The following NSL1 variants were observed in gnomAD, a reference collection of about 807,000 sequenced individuals.
NSL1 encodes the protein kinetochore-associated protein NSL1 homolog.
In NSL1, 11 loss-of-function variants were observed where a neutral mutation model predicts 25.4. That is an observed-to-expected ratio of 0.43 (90% confidence interval 0.27 to 0.72). The LOEUF (loss-of-function observed/expected upper bound fraction) is 0.72, where lower values mean the gene tolerates loss of function less well. Among genes scored for constraint, NSL1 ranks in the 30% least tolerant of loss-of-function variants. NSL1 has a pLI of 0.19. For synonymous variants in NSL1, 118 were observed against 120.6 expected (o/e 0.98, Z 0.14); for missense variants, 330 against 342.7 (o/e 0.96, Z 0.29).
intron 4 of NSL1, among the ~76,000 whole-genome samples, chr1:212,765,332 C>T (rs180863784): frequency 6.6e-6 from 1 of 152,102 alleles, no homozygotes; most frequent in East Asian, 1.9e-4. Flanking sequence ...TGCAAAAATC[C>T]TCAATAAAAT....
At chr1:212,789,259 T>G (rs1661074329) in intron 1 of NSL1, among the ~76,000 whole-genome samples, 1 of 152,250 alleles carries the variant, frequency 6.6e-6, no homozygotes, top group South Asian at 2.1e-4. Flanking sequence ...TCAACCAGGC[T>G]GGAGTGCAAT....
intron 4 of NSL1, among the ~76,000 whole-genome samples, chr1:212,774,145 G>A (rs1243881391): frequency 1.3e-5 from 2 of 152,078 alleles, no homozygotes; most frequent in African/African-American, 4.8e-5. Context: ...AAGACATACA[G>A]TTAGATAGAA....
intron 4 of NSL1, among the ~76,000 whole-genome samples, chr1:212,771,241 G>A (rs1192751341): frequency 3.3e-5 from 5 of 152,168 alleles, no homozygotes; most frequent in Admixed American, 2.6e-4. Flanking sequence ...TTGAATCTGG[G>A]AGGCAGAGGT....
At chr1:212,762,288 A>T (rs1427153965) in intron 4 of NSL1, among the ~76,000 whole-genome samples, 1 of 135,372 alleles carries the variant, frequency 7.4e-6, no homozygotes, top group Non-Finnish European at 1.5e-5. Flanking sequence ...ACAGAGTCTC[A>T]CTCTGTCTTA....
intron 4 of NSL1, among the ~76,000 whole-genome samples, chr1:212,774,052 C>T (rs577392319): frequency 2.0e-4 from 30 of 151,444 alleles, no homozygotes; most frequent in African/African-American, 6.8e-4. Context: ...AGGGTATGTG[C>T]GGAGCGGGGA....
chr1:212,744,649 AC>A (rs1235759699), intron 4 of NSL1, among the ~76,000 whole-genome samples: 1 of 152,334 alleles, frequency 6.6e-6, no homozygotes, highest in Non-Finnish European at 1.5e-5. Context: ...AACAGAGAAT[AC>A]CAATGGCAGA....
rs1333019050 is a variant in NSL1, at chr1:212,733,096, G to A, written c.*5312C>T. Among the ~76,000 whole-genome samples the A allele has an allele frequency of 6.6e-6, 1 of 152,066 alleles. No homozygotes were observed. Among genetic ancestry groups the A allele is most frequent in the Non-Finnish European group, 1.5e-5 (1 of 68,016 alleles). ...CAATGGTTTTCAGTATATTCAACAA[G>A]CAGTCGTGAATCACCATAATCAAAT... is the stretch of plus-strand genomic sequence containing the variant. On this transcript the variant is annotated 3_prime_UTR_variant, in exon 6 of 6. Coordinates refer to ENST00000366977, the MANE Select transcript of NSL1 (RefSeq NM_015471.4).
At chr1:212,762,372 T>C (rs1245288894) in intron 4 of NSL1, among the ~76,000 whole-genome samples, 1 of 151,462 alleles carries the variant, frequency 6.6e-6, no homozygotes, top group Admixed American at 6.6e-5. Context: ...CAAACTGTCC[T>C]AGGCTGCATA....
Position 212,731,485 on chromosome 1 carries a change from G to T in NSL1, c.*6923C>A, listed in dbSNP as rs1157963474. 4.1e-6 allele frequency: 4 copies of T among 985,114 alleles called. No homozygotes were observed. In the African/African-American group the frequency reaches 7.0e-5, roughly 17 times the overall value. 61.0% of individuals were successfully genotyped at this position (985,114 alleles called of 1,614,324 possible). On this transcript the variant is annotated 3_prime_UTR_variant, in exon 6 of 6. Coordinates refer to ENST00000366977, the MANE Select transcript of NSL1 (RefSeq NM_015471.4). ...CTGAAAAACTGAAACCCCGAGAAAGGTTCTAGGGGATGATTTGTCTCTTAA... is the reference window on the plus strand; with the variant it reads ...CTGAAAAACTGAAACCCCGAGAAAGTTTCTAGGGGATGATTTGTCTCTTAA...
chr1:212,756,563 T>C (rs1391686703), intron 4 of NSL1, among the ~76,000 whole-genome samples: 2 of 152,206 alleles, frequency 1.3e-5, no homozygotes, highest in African/African-American at 2.4e-5. Context: ...CTCATGCCTG[T>C]AATCCCAGAA....
In NSL1 at chr1:212,736,897, T is replaced by C. The variant is rs1658251841; in HGVS notation, c.*1511A>G. On this transcript the variant is annotated 3_prime_UTR_variant, in exon 6 of 6. Transcript: ENST00000366977. ...TTAAAAGGGAGGGACCATGTTCTTA[T>C]ATAATCAAAATGCAAGTAGCTTATA... 4 of 984,912 alleles carry C rather than the reference T, an allele frequency of 4.1e-6. No individual in the cohort carries two copies. The highest frequency in any genetic ancestry group is 1.7e-5 in the African/African-American group (1 of 57,368). 61.0% of individuals were successfully genotyped at this position (984,912 alleles called of 1,614,324 possible). A position where few individuals can be genotyped will look rare whatever the true frequency, so the allele number is the denominator to read the frequency against.
intron 2 of NSL1, among the ~76,000 whole-genome samples, chr1:212,786,416 T>TAA (rs928101496): frequency 1.1e-4 from 16 of 141,900 alleles, no homozygotes; most frequent in African/African-American, 3.1e-4. Context: ...CACAATTAGT[T>TAA]AAAAAAAAAA....
intron 4 of NSL1, among the ~76,000 whole-genome samples, chr1:212,773,872 G>A (rs923262883): frequency 2.0e-5 from 3 of 151,866 alleles, no homozygotes; most frequent in East Asian, 1.9e-4. Context: ...AAGAAAATCC[G>A]GTCATTTGCA....
chr1:212,771,874 T>C (rs540572444), intron 4 of NSL1, among the ~76,000 whole-genome samples: 1 of 152,320 alleles, frequency 6.6e-6, no homozygotes, highest in African/African-American at 2.4e-5. Flanking sequence ...ATGATATAGT[T>C]TGGCTGTGTC....
intron 4 of NSL1, among the ~76,000 whole-genome samples, chr1:212,750,353 CAA>C (rs1332201332): frequency 1.3e-5 from 2 of 151,482 alleles, no homozygotes; most frequent in Non-Finnish European, 2.9e-5. Flanking sequence ...ACATCAAAGA[CAA>C]GAGAATAAAT....
In NSL1 at chr1:212,728,109, CGTG is replaced by C; in HGVS notation, c.*10296_*10298del. The C allele has an allele frequency of 1.0e-6, 1 of 974,358 alleles. No individual in the cohort carries two copies. The highest frequency in any genetic ancestry group is 1.2e-6 in the Non-Finnish European group (1 of 819,942). 60.4% of individuals were successfully genotyped at this position (974,358 alleles called of 1,614,324 possible). Reference sequence around the variant, plus strand: ...CTCCACCTCTTTCTCATGAAATGGGCGTGGTAATAGCCCTTAATTCATGGATTG... The same window carrying C: ...CTCCACCTCTTTCTCATGAAATGGGCGTAATAGCCCTTAATTCATGGATTG... On this transcript the variant is annotated 3_prime_UTR_variant, in exon 6 of 6. Coordinates refer to ENST00000366977, the MANE Select transcript of NSL1 (RefSeq NM_015471.4).
In NSL1 at chr1:212,737,379, TA is replaced by T; in HGVS notation, c.*1028del. 1 of 984,468 alleles carries T rather than the reference TA, an allele frequency of 1.0e-6. No homozygotes were observed. The highest frequency in any genetic ancestry group is 1.2e-6 in the Non-Finnish European group (1 of 829,044). 61.0% of individuals were successfully genotyped at this position (984,468 alleles called of 1,614,324 possible). A position where few individuals can be genotyped will look rare whatever the true frequency, so the allele number is the denominator to read the frequency against. ...ACAGATTTTCCAACCTCATGATCAG[TA>T]AATTCCTTTGAAAAATGAATGAAGG... is the stretch of plus-strand genomic sequence containing the variant. On this transcript the variant is annotated 3_prime_UTR_variant, in exon 6 of 6. Coordinates refer to ENST00000366977, the MANE Select transcript of NSL1 (RefSeq NM_015471.4).
In NSL1 at chr1:212,734,410, A is replaced by G. The variant is rs1005873394; in HGVS notation, c.*3998T>C. ...GTTTTGTGCATTTTTAAAATATAAAACTTAAATAAAGTGCAGAAATTTTAA... is the reference window on the plus strand; with the variant it reads ...GTTTTGTGCATTTTTAAAATATAAAGCTTAAATAAAGTGCAGAAATTTTAA... On this transcript the variant is annotated 3_prime_UTR_variant, in exon 6 of 6. Coordinates refer to ENST00000366977, the MANE Select transcript of NSL1 (RefSeq NM_015471.4). Among the ~76,000 whole-genome samples, 1 of 152,200 alleles carries G rather than the reference A, an allele frequency of 6.6e-6. No individual in the cohort carries two copies. The highest frequency in any genetic ancestry group is 2.4e-5 in the African/African-American group (1 of 41,446).
chr1:212,738,406 G>T lies in NSL1; in HGVS notation c.*2C>A. Reference sequence around the variant, plus strand: ...TCAACTCCCAAAATAAACAGAAAGAGCTCATGTATCAAGATTAATTTTCTT... The same window carrying T: ...TCAACTCCCAAAATAAACAGAAAGATCTCATGTATCAAGATTAATTTTCTT... On this transcript the variant is annotated 3_prime_UTR_variant, in exon 6 of 6. Coordinates refer to ENST00000366977, the MANE Select transcript of NSL1 (RefSeq NM_015471.4). 3.1e-6 allele frequency: 5 copies of T among 1,607,222 alleles called. No homozygotes were observed. The highest frequency in any genetic ancestry group is 4.2e-6 in the Non-Finnish European group (5 of 1,177,030).
Sources: gnomAD v4.1 joint callset for allele counts (sites outside exome capture counted in the v4.1 genomes callset) on GRCh38, gnomAD v4.1.1 for gene constraint, MANE v1.5 for transcripts, NCBI Gene and HGNC (gene_info 2026-07-23, HGNC 2026-07-21) for gene names.